The following MACROD2 variants were observed in gnomAD, a reference collection of about 807,000 sequenced individuals.
MACROD2 encodes the protein ADP-ribose glycohydrolase MACROD2.
Under a neutral mutation model 70.4 loss-of-function variants are expected in MACROD2, and 36 were observed. The observed-to-expected ratio is 0.51, with a 90% CI of 0.39 to 0.68. The LOEUF is 0.68. Ranked by LOEUF, MACROD2 falls within the 30% of genes least tolerant of loss-of-function variation. The probability of loss-of-function intolerance (pLI) is 0.00; values close to 1 mark genes in which losing one functional copy is unlikely to be tolerated. For synonymous variants in MACROD2, 172 were observed against 178.8 expected (o/e 0.96, Z 0.30); for missense variants, 496 against 538.4 (o/e 0.92, Z 0.78).
intron 9 of MACROD2, among the ~76,000 whole-genome samples, chr20:15,864,134 T>C (rs1265104208): frequency 1.3e-5 from 2 of 152,152 alleles, no homozygotes; most frequent in Admixed American, 6.5e-5. Flanking sequence ...CTCAGTGTTT[T>C]ACAGAGTGGA....
intron 4 of MACROD2, among the ~76,000 whole-genome samples, chr20:14,521,101 T>C (rs2085164857): frequency 6.6e-6 from 1 of 152,242 alleles, no homozygotes; most frequent in Non-Finnish European, 1.5e-5. Flanking sequence ...GCTACCTCTA[T>C]TTTTCCCCAA....
chr20:14,734,667 A>G (rs1458677385), intron 5 of MACROD2, among the ~76,000 whole-genome samples: 1 of 152,036 alleles, frequency 6.6e-6, no homozygotes, highest in African/African-American at 2.4e-5. Flanking sequence ...AAGTCTTTTG[A>G]CTCCATAGCC....
intron 5 of MACROD2, among the ~76,000 whole-genome samples, chr20:15,013,023 A>G (rs141273477): frequency 1.9e-4 from 29 of 152,318 alleles, no homozygotes; most frequent in African/African-American, 7.0e-4. Flanking sequence ...AGCAAAAGCA[A>G]GAGAAGAAAA....
At chr20:15,917,979 T>C (rs1280867995) in intron 10 of MACROD2, among the ~76,000 whole-genome samples, 1 of 152,172 alleles carries the variant, frequency 6.6e-6, no homozygotes, top group African/African-American at 2.4e-5. Flanking sequence ...TACTGCAAAA[T>C]TGCTGACTCG....
intron 5 of MACROD2, among the ~76,000 whole-genome samples, chr20:15,092,185 G>A (rs544379071): frequency 2.6e-4 from 39 of 152,124 alleles, no homozygotes; most frequent in African/African-American, 8.9e-4. Context: ...ATTTAAATAG[G>A]TTTGTAGAGC....
intron 3 of MACROD2, among the ~76,000 whole-genome samples, chr20:14,273,001 T>C (rs1193245647): frequency 1.3e-5 from 2 of 151,578 alleles, no homozygotes; most frequent in Non-Finnish European, 2.9e-5. Flanking sequence ...AAGCAAGTCC[T>C]GAGTGACCTA....
intron 12 of MACROD2, among the ~76,000 whole-genome samples, chr20:15,942,543 G>C (rs748401345): frequency 2.0e-5 from 3 of 152,116 alleles, no homozygotes; most frequent in Non-Finnish European, 4.4e-5. Flanking sequence ...TGATTTAATG[G>C]TAGTTTGCAC....
In MACROD2 at chr20:15,998,907, G is replaced by T. The variant is rs2066670568; in HGVS notation, c.1153+11749G>T. On this transcript the variant is annotated intron_variant, in intron 15 of 17. Transcript: ENST00000684519. ...AGTCAGCTAAAAGTTTGTAAATTTT[G>T]TTAATTTTTTTTAAAAACCTCATTT... 2.0e-5 allele frequency among the ~76,000 whole-genome samples: 3 copies of T among 151,732 alleles called. No homozygotes were observed. In the South Asian group the frequency reaches 6.2e-4, roughly 31 times the overall value.
intron 6 of MACROD2, among the ~76,000 whole-genome samples, chr20:15,414,745 G>C (rs185906328): frequency 6.0e-4 from 91 of 152,284 alleles, no homozygotes; most frequent in Non-Finnish European, 1.1e-3. Context: ...CCTTCCCAAG[G>C]TTGGAATTAA....
chr20:15,581,362 C>T (rs1393529414), intron 8 of MACROD2, among the ~76,000 whole-genome samples: 2 of 152,288 alleles, frequency 1.3e-5, no homozygotes, highest in East Asian at 3.9e-4. Flanking sequence ...TAATGACTGT[C>T]AATTATTTGG....
chr20:15,852,776 G>A (rs958144817), intron 8 of MACROD2, among the ~76,000 whole-genome samples: 2 of 152,100 alleles, frequency 1.3e-5, no homozygotes, highest in Admixed American at 6.5e-5. Context: ...CTATTTTCAT[G>A]AATGTTTCTT....
At chr20:14,074,696 C>T (rs2053894876) in intron 2 of MACROD2, among the ~76,000 whole-genome samples, 2 of 152,142 alleles carry the variant, frequency 1.3e-5, no homozygotes, top group Admixed American at 1.3e-4. Context: ...ACATGCTTCT[C>T]CCATGGGAAC....
chr20:15,636,093 G>GAAAGA (rs1333800449), intron 8 of MACROD2, among the ~76,000 whole-genome samples: 2 of 64,890 alleles, frequency 3.1e-5, no homozygotes, highest in Non-Finnish European at 6.6e-5. Flanking sequence ...AAAAAAAAAA[G>GAAAGA]AAAGAAAAGA....
intron 5 of MACROD2, among the ~76,000 whole-genome samples, chr20:14,714,036 G>A (rs553209815): frequency 6.6e-6 from 1 of 152,180 alleles, no homozygotes; most frequent in East Asian, 1.9e-4. Context: ...CAACAGGAAG[G>A]TAAGTAAACT....
At chr20:14,388,459 C>G (rs1480865695) in intron 3 of MACROD2, among the ~76,000 whole-genome samples, 1 of 152,040 alleles carries the variant, frequency 6.6e-6, no homozygotes, top group Non-Finnish European at 1.5e-5. Context: ...TACTGTTGAC[C>G]AGAAGCATTA....
chr20:14,777,226 C>T (rs1772489150), intron 5 of MACROD2, among the ~76,000 whole-genome samples: 2 of 151,956 alleles, frequency 1.3e-5, no homozygotes, highest in African/African-American at 4.8e-5. Context: ...TTTTCGAAAG[C>T]AAGGGTATCA....
chr20:15,122,392 A>G (rs1026263149), intron 5 of MACROD2, among the ~76,000 whole-genome samples: 91 of 152,160 alleles, frequency 6.0e-4, no homozygotes, highest in African/African-American at 2.1e-3. Flanking sequence ...CATTACAAGG[A>G]AAGTTATTCA....
At chr20:15,099,943 A>C (rs954648465) in intron 5 of MACROD2, among the ~76,000 whole-genome samples, 1 of 152,048 alleles carries the variant, frequency 6.6e-6, no homozygotes, top group Non-Finnish European at 1.5e-5. Flanking sequence ...GATTGAAAAA[A>C]AAAATTCAAA....
rs74179790 is a variant in MACROD2, at chr20:15,915,755, G to A, written c.776-17521G>A. ...AGAGCACAAGGCAGGGAAAATAGGG[G>A]ATGGGTGGAAGAGGATAGCTAGGGT... On this transcript the variant is annotated intron_variant, in intron 10 of 17. Transcript: ENST00000684519. Among the ~76,000 whole-genome samples the A allele has an allele frequency of 9.2e-3, 1,403 of 152,236 alleles. 15 individuals are homozygous for A. Among genetic ancestry groups the A allele is most frequent in the Non-Finnish European group, 0.016 (1,056 of 68,000 alleles).
Sources: allele counts gnomAD v4.1 joint callset (sites outside exome capture counted in the v4.1 genomes callset), GRCh38; gene constraint gnomAD v4.1.1; transcripts MANE v1.5; gene names NCBI Gene and HGNC (gene_info 2026-07-23, HGNC 2026-07-21).